Variants in PLPP1 observed in about 807,000 individuals in gnomAD.
PLPP1 encodes phospholipid phosphatase 1, also known as lipid phosphate phosphohydrolase 1a.
A neutral mutation model predicts 31.2 loss-of-function variants in PLPP1; 24 were observed. That is an observed-to-expected ratio of 0.77 (90% CI 0.56 to 1.08). The LOEUF (loss-of-function observed/expected upper bound fraction) is 1.08. PLPP1 is among the 50% of genes least tolerant of loss of function. PLPP1 has a pLI of 0.00. For synonymous variants in PLPP1, 146 were observed against 126.3 expected, an observed-to-expected ratio of 1.16 and a Z score of -1.05; for missense variants, 319 against 342.7, an observed-to-expected ratio of 0.93 and a Z score of 0.55.
intron 1 of PLPP1, among the ~76,000 whole-genome samples, chr5:55,515,917 A>G (rs1268803459): frequency 1.3e-5 from 2 of 152,164 alleles, no homozygotes; most frequent in Non-Finnish European, 2.9e-5. Context: ...CTCTAGAACC[A>G]TTATCCAAAC....
At chr5:55,520,725 T>G (rs774232197) in intron 1 of PLPP1, among the ~76,000 whole-genome samples, 3 of 152,232 alleles carry the variant, frequency 2.0e-5, no homozygotes, top group Non-Finnish European at 4.4e-5. Flanking sequence ...AGTATTTGAA[T>G]GGCGATACAC....
intron 1 of PLPP1, among the ~76,000 whole-genome samples, chr5:55,500,153 C>T (rs181055019): frequency 2.0e-5 from 3 of 150,458 alleles, no homozygotes; most frequent in African/African-American, 4.9e-5. Flanking sequence ...AATCTCGGCT[C>T]ACTACAAGCT....
chr5:55,467,237 C>T (rs557258323), intron 3 of PLPP1, among the ~76,000 whole-genome samples: 7 of 152,256 alleles, frequency 4.6e-5, no homozygotes, highest in African/African-American at 1.7e-4. Flanking sequence ...GATCAGGGTT[C>T]GGCAAACTTT....
Position 55,511,460 on chromosome 5 carries a change from A to G in PLPP1, c.58+23112T>C, listed in dbSNP as rs185228427. Among the ~76,000 whole-genome samples the G allele has an allele frequency of 3.3e-5, 5 of 152,284 alleles. No homozygotes were observed. The East Asian group carries it at 9.6e-4, about 29-fold the overall frequency. On this transcript the variant is annotated intron_variant, in intron 1 of 5. Coordinates refer to ENST00000307259, the MANE Select transcript of PLPP1 (RefSeq NM_003711.4). The stretch of plus-strand genomic sequence containing the variant: ...AAAATATATGTATACATGCAGTAAT[A>G]TCACAAGTTTTTTTTTCTTTTAAAG...
At chr5:55,477,627 A>C (rs1352561404) in intron 1 of PLPP1, among the ~76,000 whole-genome samples, 1 of 151,964 alleles carries the variant, frequency 6.6e-6, no homozygotes, top group African/African-American at 2.4e-5. Flanking sequence ...TCCTGACCTC[A>C]AGTAATCCAC....
chr5:55,497,609 G>A (rs750519407), intron 1 of PLPP1, among the ~76,000 whole-genome samples: 19 of 152,038 alleles, frequency 1.2e-4, no homozygotes, highest in Non-Finnish European at 2.4e-4. Flanking sequence ...TAACACAGCT[G>A]TAACTGCAAG....
chr5:55,529,298 T>G (rs1030718587), intron 1 of PLPP1, among the ~76,000 whole-genome samples: 1 of 152,086 alleles, frequency 6.6e-6, no homozygotes, highest in Non-Finnish European at 1.5e-5. Context: ...CATCTTTAGC[T>G]TTGAATAAAT....
chr5:55,494,320 A>G (rs560775714), intron 1 of PLPP1, among the ~76,000 whole-genome samples: 2 of 152,344 alleles, frequency 1.3e-5, no homozygotes, highest in South Asian at 4.1e-4. Flanking sequence ...GAATATAGAA[A>G]TGATACAAAA....
chr5:55,491,241 T>A, intron 1 of PLPP1: 1 of 916,302 alleles, frequency 1.1e-6, no homozygotes, highest in Non-Finnish European at 1.6e-6. Context: ...ATCTCCATTA[T>A]ACCCAAGGGC....
intron 1 of PLPP1, among the ~76,000 whole-genome samples, chr5:55,532,953 C>CAA (rs1740727442): frequency 2.4e-5 from 1 of 42,048 alleles, no homozygotes; most frequent in African/African-American, 7.7e-5. Context: ...AAGACCGTCT[C>CAA]CAAAAAAAAA....
intron 3 of PLPP1, among the ~76,000 whole-genome samples, chr5:55,455,189 G>A (rs762371780): frequency 1.3e-5 from 2 of 152,008 alleles, no homozygotes; most frequent in African/African-American, 2.4e-5. Context: ...CAGAAACACT[G>A]GGCCTGTGCT....
At chr5:55,478,975 ATAATAAATAATGG>A (rs890216829) in intron 1 of PLPP1, among the ~76,000 whole-genome samples, 20 of 152,172 alleles carry the variant, frequency 1.3e-4, no homozygotes, top group African/African-American at 4.6e-4. Flanking sequence ...TTTTAAATTG[ATAATAAATAATGG>A]CCAATATTTG....
At chr5:55,510,399 C>A (rs948386093) in intron 1 of PLPP1, among the ~76,000 whole-genome samples, 14 of 152,116 alleles carry the variant, frequency 9.2e-5, no homozygotes, top group Non-Finnish European at 2.1e-4. Context: ...GAGGAGCTGA[C>A]TACAAAGAAG....
rs562138268 is a variant in PLPP1, at chr5:55,488,850, G to A, written c.59-13400C>T. Among the ~76,000 whole-genome samples, 30 of 152,188 alleles carry A rather than the reference G, an allele frequency of 2.0e-4. No homozygotes were observed. In the East Asian group the frequency reaches 3.1e-3, roughly 16 times the overall value. On this transcript the variant is annotated intron_variant, in intron 1 of 5. Coordinates refer to ENST00000307259, the MANE Select transcript of PLPP1 (RefSeq NM_003711.4). The stretch of plus-strand genomic sequence containing the variant: ...CATGTTGCCAGGTGGCCAACACAGC[G>A]AAACCCCATTTCTACTAAAAATACA...
chr5:55,489,195 T>C (rs1277012971), intron 1 of PLPP1, among the ~76,000 whole-genome samples: 2 of 152,080 alleles, frequency 1.3e-5, no homozygotes, highest in Non-Finnish European at 2.9e-5. Flanking sequence ...CAAAACTCCA[T>C]CTCAAAAATA....
At chr5:55,472,088 C>T (rs777977770) in intron 2 of PLPP1, among the ~76,000 whole-genome samples, 1 of 152,236 alleles carries the variant, frequency 6.6e-6, no homozygotes, top group Non-Finnish European at 1.5e-5. Flanking sequence ...CACCACTGCA[C>T]TCCAAGCCTG....
intron 4 of PLPP1, among the ~76,000 whole-genome samples, chr5:55,429,095 T>C (rs1316783447): frequency 6.6e-6 from 1 of 152,172 alleles, no homozygotes; most frequent in Non-Finnish European, 1.5e-5. Context: ...CTCTGGAATT[T>C]ATACCAGAAG....
chr5:55,462,222 G>T (rs1214798891), intron 3 of PLPP1, among the ~76,000 whole-genome samples: 3 of 152,178 alleles, frequency 2.0e-5, no homozygotes, highest in Non-Finnish European at 4.4e-5. Context: ...GAAGGACAAA[G>T]TTAAAAGCTT....
chr5:55,488,972 T>C (rs916641076), intron 1 of PLPP1, among the ~76,000 whole-genome samples: 8 of 151,720 alleles, frequency 5.3e-5, no homozygotes, highest in Non-Finnish European at 1.0e-4. Flanking sequence ...GCAGAGTAGA[T>C]TGCTTGAGGT....
Sources: gnomAD v4.1 joint callset for allele counts (sites outside exome capture counted in the v4.1 genomes callset) on GRCh38, gnomAD v4.1.1 for gene constraint, MANE v1.5 for transcripts, NCBI Gene and HGNC (gene_info 2026-07-23, HGNC 2026-07-21) for gene names.